Variants in MAPK6 observed in about 807,000 individuals in gnomAD.
The protein encoded by MAPK6 is mitogen-activated protein kinase 6.
Under a neutral mutation model 59.3 loss-of-function variants are expected in MAPK6, and 19 were observed. That is an observed-to-expected ratio of 0.32 (90% CI 0.22 to 0.47). The LOEUF (loss-of-function observed/expected upper bound fraction) is 0.47, where lower values mean the gene tolerates loss of function less well. Among genes scored for constraint, MAPK6 ranks in the 20% least tolerant of loss-of-function variants. MAPK6 has a pLI of 1.00. For missense variants in MAPK6, 724 were observed against 847.9 expected (o/e 0.85, Z 1.81); for synonymous variants, 316 against 290.3 (o/e 1.09, Z -0.90).
chr15:52,019,207 G>GC (rs774804514), upstream of MAPK6: 4 of 152,044 alleles, frequency 2.6e-5, no homozygotes, highest in African/African-American at 4.8e-5. Context: ...GCACCGCGAA[G>GC]CCCCGCCCCC....
At chr15:52,058,994 G>T (rs1377216174) in intron 4 of MAPK6, among the ~76,000 whole-genome samples, 197 bp downstream of exon 4, 1 of 151,998 alleles carries the variant, frequency 6.6e-6, no homozygotes, top group African/African-American at 2.4e-5. Context: ...TGTTTTTTTG[G>T]TTCCTCTGAA....
chr15:51,988,304 AATAC>A (rs1199255812), intron 2 of MAPK6, among the ~76,000 whole-genome samples: 2 of 152,134 alleles, frequency 1.3e-5, no homozygotes, highest in Admixed American at 6.6e-5. Context: ...TGGGAGTTTT[AATAC>A]ATATATAGGC....
intron 5 of MAPK6, among the ~76,000 whole-genome samples, chr15:52,062,025 A>ATATC (rs1017399292): frequency 6.8e-6 from 1 of 146,900 alleles, no homozygotes; most frequent in Non-Finnish European, 1.5e-5. Context: ...AGTGGTAGTT[A>ATATC]TATCTTAACA....
At chr15:52,016,068 G>GCGCGCA (rs2030245584), upstream of MAPK6, among the ~76,000 whole-genome samples, 1 of 35,610 alleles carries the variant, frequency 2.8e-5, no homozygotes, top group African/African-American at 8.7e-5. Flanking sequence ...GCGCGCGCGC[G>GCGCGCA]CGCACACACA....
intron 1 of MAPK6, among the ~76,000 whole-genome samples, chr15:52,035,222 C>T (rs2031196766): frequency 2.6e-5 from 4 of 152,188 alleles, no homozygotes; most frequent in Admixed American, 2.6e-4. Flanking sequence ...GTGTTTATTC[C>T]ATGCTTCCTG....
intron 1 of MAPK6, among the ~76,000 whole-genome samples, chr15:51,972,740 T>A (rs929253437): frequency 3.3e-5 from 5 of 150,552 alleles, no homozygotes; most frequent in Admixed American, 1.3e-4. Flanking sequence ...GAGAATGGCG[T>A]GAACCCAGGA....
intron 2 of MAPK6, among the ~76,000 whole-genome samples, chr15:51,987,911 G>A (rs562314821): frequency 5.3e-5 from 8 of 151,744 alleles, no homozygotes; most frequent in African/African-American, 9.7e-5. Context: ...GATTACAGGC[G>A]CACGCCACCA....
chr15:51,985,641 C>T (rs145490672), intron 2 of MAPK6, among the ~76,000 whole-genome samples: 360 of 150,806 alleles, frequency 2.4e-3, no homozygotes, highest in African/African-American at 8.4e-3. Flanking sequence ...GGTGACAGAG[C>T]GACACTGTCT....
chr15:52,018,200 G>C (rs1385877240), upstream of MAPK6, among the ~76,000 whole-genome samples: 1 of 150,170 alleles, frequency 6.7e-6, no homozygotes, highest in Admixed American at 6.7e-5. Context: ...GCTACTTTTT[G>C]TATTTTTAGT....
rs773656764 is a variant in MAPK6 at position 52,064,580 on chromosome 15, G to A, written c.1746G>A (p.Leu582=). 20 of 1,611,678 alleles carry A rather than the reference G, an allele frequency of 1.2e-5. No individual in the cohort carries two copies. The highest frequency in any genetic ancestry group is 1.7e-5 in the Non-Finnish European group (20 of 1,179,768). Residue 582 remains leucine, a synonymous_variant, in exon 6 of 6, where the codon CTG becomes CTA. Transcript: ENST00000261845. The stretch of plus-strand genomic sequence containing the variant: ...AACAGGAAAAAGGAATGGCAAATCT[G>A]GCTCAATTAGAAGCCTTGTACCAGT... ...QEKQEKGMAN[L]AQLEALYQSS...
intron 2 of MAPK6, among the ~76,000 whole-genome samples, chr15:51,991,158 C>T (rs1015423953): frequency 2.1e-5 from 3 of 142,172 alleles, no homozygotes; most frequent in African/African-American, 8.4e-5. Context: ...TACACACACA[C>T]ACACACACAC....
intron 5 of MAPK6, among the ~76,000 whole-genome samples, chr15:52,063,375 T>C (rs1051339790): frequency 1.3e-5 from 2 of 152,232 alleles, no homozygotes; most frequent in African/African-American, 2.4e-5. Flanking sequence ...GCATTTTCTA[T>C]TTTACCTAGC....
chr15:52,016,070 G>GCGCACACACACACA, upstream of MAPK6, among the ~76,000 whole-genome samples: 30 of 55,438 alleles, frequency 5.4e-4, no homozygotes, highest in East Asian at 1.1e-3. Context: ...GCGCGCGCGC[G>GCGCACACACACACA]CACACACACA....
chr15:52,016,950 G>A (rs1482035770), upstream of MAPK6, among the ~76,000 whole-genome samples: 3 of 152,060 alleles, frequency 2.0e-5, no homozygotes, highest in South Asian at 2.1e-4. Flanking sequence ...AGGCTGAGGC[G>A]GGGGAATCGC....
intron 3 of MAPK6, among the ~76,000 whole-genome samples, chr15:52,051,039 A>G (rs545190242): frequency 3.3e-5 from 5 of 152,106 alleles, no homozygotes; most frequent in African/African-American, 1.2e-4. Context: ...GTCTTTTGAC[A>G]TAACTTTTTC....
intron 1 of MAPK6, among the ~76,000 whole-genome samples, chr15:52,030,563 G>A (rs1237070905): frequency 7.0e-6 from 1 of 143,110 alleles, no homozygotes; most frequent in Admixed American, 7.2e-5. Flanking sequence ...CTATACCAGC[G>A]TTAATTTCTT....
chr15:52,048,183 C>G (rs2031655157), intron 2 of MAPK6, among the ~76,000 whole-genome samples: 1 of 152,030 alleles, frequency 6.6e-6, no homozygotes, highest in Non-Finnish European at 1.5e-5. Flanking sequence ...GAGTTGTGCT[C>G]TTGTCACCAA....
At chr15:51,988,854 G>A (rs982836816) in intron 2 of MAPK6, among the ~76,000 whole-genome samples, 2 of 152,134 alleles carry the variant, frequency 1.3e-5, no homozygotes, top group Non-Finnish European at 2.9e-5. Flanking sequence ...CAGCAGGGCT[G>A]TGATCCCTCC....
intron 1 of MAPK6, among the ~76,000 whole-genome samples, chr15:51,982,042 G>A (rs2057175144): frequency 6.6e-6 from 1 of 152,150 alleles, no homozygotes; most frequent in Admixed American, 6.6e-5. Context: ...CATCCCAACA[G>A]CACAAACACA....
Sources: allele counts gnomAD v4.1 joint callset (sites outside exome capture counted in the v4.1 genomes callset), GRCh38; gene constraint gnomAD v4.1.1; transcripts MANE v1.5; gene names NCBI Gene and HGNC (gene_info 2026-07-23, HGNC 2026-07-21).